SPTB: variants seen among roughly 807,000 people sequenced by gnomAD.
SPTB encodes the protein spectrin beta, erythrocytic.
Under a neutral mutation model 256.2 loss-of-function variants are expected in SPTB, and 45 were observed. The observed-to-expected ratio is 0.18, with a 90% CI of 0.14 to 0.23. The LOEUF (loss-of-function observed/expected upper bound fraction) is 0.23, where lower values mean the gene tolerates loss of function less well. Ranked by LOEUF, SPTB falls within the 10% of genes least tolerant of loss-of-function variation. The pLI is 1.00. For missense variants in SPTB, 2,715 were observed against 3,040.4 expected (o/e 0.89, Z 2.52); for synonymous variants, 1,231 against 1,243.1 (o/e 0.99, Z 0.21).
At position 64,749,213 on chromosome 14, in the gene SPTB, A is replaced by ATTCGACCGGCGGGC; in HGVS notation, c.*79_*92dup. The ATTCGACCGGCGGGC allele has an allele frequency of 6.8e-7, 1 of 1,467,152 alleles. No individual in the cohort carries two copies. The allele number at this position is 1,467,152 out of a possible 1,614,324, so 90.9% of individuals were successfully genotyped here. On this transcript the variant is annotated 3_prime_UTR_variant, in exon 36 of 36. Coordinates refer to ENST00000644917, the MANE Select transcript of SPTB (RefSeq NM_001355436.2). The surrounding 1 kb of genome is among the most constrained non-coding windows in gnomAD (Gnocchi z 4.7). ...CCGGCCCGCGACTCGACTCATCTCG[A>ATTCGACCGGCGGGC]TTCGACCGGCGGGCGGCGGCGAGAG... is the stretch of plus-strand genomic sequence containing the variant.
At chr14:64,832,204 G>A (rs1049637520) in intron 1 of SPTB, among the ~76,000 whole-genome samples, 5 of 152,108 alleles carry the variant, frequency 3.3e-5, no homozygotes, top group South Asian at 4.1e-4. Flanking sequence ...TCTGGCTTCC[G>A]CCCTCACTCC....
chr14:64,751,025 ATAT>A (rs1274740444), intron 33 of SPTB, among the ~76,000 whole-genome samples: 1 of 145,672 alleles, frequency 6.9e-6, no homozygotes, highest in Non-Finnish European at 1.5e-5. Context: ...ATTATGTTAT[ATAT>A]TATATATGTA....
At chr14:64,817,161 C>T (rs1446269220) in intron 2 of SPTB, among the ~76,000 whole-genome samples, 1 of 151,474 alleles carries the variant, frequency 6.6e-6, no homozygotes, top group Admixed American at 6.6e-5. Flanking sequence ...GGCATTATGT[C>T]CTGGGCAGGG....
chr14:64,782,070 G>A (rs371015976), intron 20 of SPTB, among the ~76,000 whole-genome samples: 1 of 152,132 alleles, frequency 6.6e-6, no homozygotes, highest in East Asian at 1.9e-4. Flanking sequence ...GATGGGGGAG[G>A]GTAGGAGAAG....
rs992985771 is a variant in SPTB at position 64,826,761 on chromosome 14, C to T, written c.-51-3616G>A. 1.3e-5 allele frequency among the ~76,000 whole-genome samples: 2 copies of T among 152,080 alleles called. No homozygotes were observed. Among genetic ancestry groups the T allele is most frequent in the African/African-American group, 4.8e-5 (2 of 41,388 alleles). On this transcript the variant is annotated intron_variant, in intron 1 of 35. Transcript: ENST00000644917. The surrounding 1 kb of genome is among the most constrained non-coding windows in gnomAD (Gnocchi z 4.4). Reference sequence around the variant, plus strand: ...CTGTGCCCAGAGAGGTCCACCTGCCCCATCCATCCATCCACCTGCCCGTCT... The same window carrying T: ...CTGTGCCCAGAGAGGTCCACCTGCCTCATCCATCCATCCACCTGCCCGTCT...
chr14:64,820,862 G>A (rs2083274327), intron 2 of SPTB, among the ~76,000 whole-genome samples: 1 of 151,916 alleles, frequency 6.6e-6, no homozygotes, highest in Admixed American at 6.6e-5. Context: ...GATTTTAGTA[G>A]AGATGGAGTT....
Position 64,859,584 on chromosome 14 carries a change from A to C in SPTB, c.-52+20208T>G, listed in dbSNP as rs531402724. On this transcript the variant is annotated intron_variant, in intron 1 of 35. Transcript: ENST00000644917. ...ACATAAGAAAACCCATCTCTACTAA[A>C]AATTCAAAAATTAGCCAGCTGTGGT... Among the ~76,000 whole-genome samples, 6 of 152,222 alleles carry C rather than the reference A, an allele frequency of 3.9e-5. No individual in the cohort carries two copies. In the East Asian group the frequency reaches 1.2e-3, roughly 29 times the overall value.
rs1882165755 is a variant in SPTB at position 64,866,089 on chromosome 14, T to C, written c.-52+13703A>G. Reference sequence around the variant, plus strand: ...AAAATACCACAAAGTAAAACATCTATGAAATGAATAAGACTGTTCACTCAA... The same window carrying C: ...AAAATACCACAAAGTAAAACATCTACGAAATGAATAAGACTGTTCACTCAA... On this transcript the variant is annotated intron_variant, in intron 1 of 35. Coordinates refer to ENST00000644917, the MANE Select transcript of SPTB (RefSeq NM_001355436.2). This position sits in a 1 kb window ranked among gnomAD's most constrained non-coding sequence, Gnocchi z 4.6. Among the ~76,000 whole-genome samples, 1 of 152,156 alleles carries C rather than the reference T, an allele frequency of 6.6e-6. No individual in the cohort carries two copies. Among genetic ancestry groups the C allele is most frequent in the Non-Finnish European group, 1.5e-5 (1 of 68,034 alleles).
Position 64,823,186 on chromosome 14 carries a change from C to A in SPTB, c.-51-41G>T. On this transcript the variant is annotated intron_variant, in intron 1 of 35. Coordinates refer to ENST00000644917, the MANE Select transcript of SPTB (RefSeq NM_001355436.2). This position sits in a 1 kb window ranked among gnomAD's most constrained non-coding sequence, Gnocchi z 6.5. ...ACAGTCAGAGGGTTATCTCTCTACC[C>A]CCTCGGACTTTTTCTCCGGGGAAAC... 1 of 1,517,316 alleles carries A rather than the reference C, an allele frequency of 6.6e-7. No individual in the cohort carries two copies. Among genetic ancestry groups the A allele is most frequent in the Middle Eastern group, 1.8e-4 (1 of 5,540 alleles). 94.0% of individuals were successfully genotyped at this position (1,517,316 alleles called of 1,614,324 possible). A position where few individuals can be genotyped will look rare whatever the true frequency, so the allele number is the denominator to read the frequency against.
In SPTB at chr14:64,841,740, C is replaced by CAT. The variant is rs5809251; in HGVS notation, c.-51-18597_-51-18596dup. ...ATCTCCCAGCTGCCCTCTGACATCC[C>CAT]ATATATATATATATATTTTTTAAGG... On this transcript the variant is annotated intron_variant, in intron 1 of 35. Coordinates refer to ENST00000644917, the MANE Select transcript of SPTB (RefSeq NM_001355436.2). This position sits in a 1 kb window ranked among gnomAD's most constrained non-coding sequence, Gnocchi z 4.6. Among the ~76,000 whole-genome samples the CAT allele has an allele frequency of 0.018, 1,934 of 109,100 alleles. 44 individuals are homozygous for CAT. The highest frequency in any genetic ancestry group is 0.085 in the African/African-American group (1,703 of 19,964). 71.6% of individuals were successfully genotyped at this position (109,100 alleles called of 152,430 possible).
chr14:64,829,709 A>G (rs1413059344), intron 1 of SPTB, among the ~76,000 whole-genome samples: 1 of 152,178 alleles, frequency 6.6e-6, no homozygotes, highest in East Asian at 1.9e-4. Flanking sequence ...GAAATTTTGT[A>G]TAATAAAAAC....
Position 64,793,213 on chromosome 14 carries a change from G to A in SPTB, c.2450C>T (p.Pro817Leu). The A allele has an allele frequency of 6.2e-7, 1 of 1,611,862 alleles. No individual in the cohort carries two copies. Among genetic ancestry groups the A allele is most frequent in the Non-Finnish European group, 8.5e-7 (1 of 1,180,026 alleles). ...GGCCTGCAGCCGATGGGTCACATCT[G>A]GGGAATCCCGAAACTCTTCGGGGAA... ...QGFPEEFRDS[P>L]DVTHRLQALR... The change falls in exon 14 of 36, where the codon CCA becomes CTA. Residue 817 changes from proline to leucine, a missense_variant. Physicochemically the swap from Pro to Leu is moderately conservative, Grantham distance 98. Around this residue, in one of 4 missense-constraint regions of SPTB, gnomAD observed 2,239 missense variants for 2,384.4 expected, o/e 0.94. Coordinates refer to ENST00000644917, the MANE Select transcript of SPTB (RefSeq NM_001355436.2). The surrounding 1 kb of genome is among the most constrained non-coding windows in gnomAD (Gnocchi z 7.0).
rs1170760858 is a variant in SPTB at position 64,748,998 on chromosome 14, G to T, written c.*308C>A. 3 of 304,302 alleles carry T rather than the reference G, an allele frequency of 9.9e-6. No individual in the cohort carries two copies. In the East Asian group the frequency reaches 2.6e-4, roughly 27 times the overall value. 18.9% of individuals were successfully genotyped at this position (304,302 alleles called of 1,614,324 possible). A position where few individuals can be genotyped will look rare whatever the true frequency, so the allele number is the denominator to read the frequency against. The stretch of plus-strand genomic sequence containing the variant: ...TGTGCCCCCTCGGCTCAGGAGGAGG[G>T]TGGGAGAGGAGGGCGTGTGCCTCAG... On this transcript the variant is annotated 3_prime_UTR_variant, in exon 36 of 36. Transcript: ENST00000644917.
In SPTB at chr14:64,794,711, T is replaced by C. The variant is rs541087608; in HGVS notation, c.1645-94A>G. The C allele has an allele frequency of 3.2e-5, 49 of 1,551,942 alleles. No homozygotes were observed. The African/African-American group carries it at 5.7e-4, about 18-fold the overall frequency. On this transcript the variant is annotated intron_variant, in intron 12 of 35. Coordinates refer to ENST00000644917, the MANE Select transcript of SPTB (RefSeq NM_001355436.2). ...CCTGCAAAGGGCATGTCTCTAGTAA[T>C]CTGAGCAAGGGTGAGCCAAATGCAG...
chr14:64,876,285 G>A (rs574647478), intron 1 of SPTB, among the ~76,000 whole-genome samples: 29 of 152,168 alleles, frequency 1.9e-4, no homozygotes, highest in African/African-American at 6.5e-4. Flanking sequence ...GGGATTACAG[G>A]TGCCCACCAC....
intron 27 of SPTB, 117 bp from the exon 28 acceptor site, chr14:64,769,845 C>T (rs551417480): frequency 1.1e-4 from 160 of 1,421,186 alleles, no homozygotes; most frequent in Non-Finnish European, 1.5e-4. Context: ...GTGCTCCCTC[C>T]TCTCTCTCTG....
In SPTB at chr14:64,787,053, G is replaced by A. The variant is rs138556050; in HGVS notation, c.2912C>T (p.Thr971Met). Residue 971 changes from threonine (T) to methionine (M), a missense_variant, in exon 16 of 36, where the codon ACG becomes ATG. This residue lies in a region of SPTB where 2,239 missense variants were observed against 2,384.4 expected (regional missense o/e 0.94). Coordinates refer to ENST00000644917, the MANE Select transcript of SPTB (RefSeq NM_001355436.2). Reference sequence around the variant, plus strand: ...GGACTCCACTACCTTTGTCTTGTCCGTGATCCACTTGCTGGTCTCCTCGCA... The same window carrying A: ...GGACTCCACTACCTTTGTCTTGTCCATGATCCACTTGCTGGTCTCCTCGCA... Reference protein sequence around the residue: ...VDCEETSKWITDKTKVVESTK... With the variant: ...VDCEETSKWIMDKTKVVESTK... 21 of 1,613,756 alleles carry A rather than the reference G, an allele frequency of 1.3e-5. No homozygotes were observed. The highest frequency in any genetic ancestry group is 2.7e-5 in the African/African-American group (2 of 74,894).
intron 1 of SPTB, among the ~76,000 whole-genome samples, chr14:64,860,518 T>TA (rs2083950379): frequency 6.6e-6 from 1 of 151,926 alleles, no homozygotes; most frequent in South Asian, 2.1e-4. Context: ...TTTTTTTTTT[T>TA]ATAACTATGC....
At position 64,770,882 on chromosome 14, in the gene SPTB, C is replaced by A; in HGVS notation, c.5798+3G>T. ...GCCTCTGCCTCAAGGACACTCCCCT[C>A]ACCTGGGCCTCTCCTGGGTCTCGAT... On this transcript the variant is annotated splice_donor_region_variant and intron_variant, in intron 27 of 35. Coordinates refer to ENST00000644917, the MANE Select transcript of SPTB (RefSeq NM_001355436.2). 6.2e-7 allele frequency: 1 copy of A among 1,614,064 alleles called. No individual in the cohort carries two copies. Among genetic ancestry groups the A allele is most frequent in the Non-Finnish European group, 8.5e-7 (1 of 1,180,024 alleles).
Sources: gnomAD v4.1 joint callset for allele counts (sites outside exome capture counted in the v4.1 genomes callset) on GRCh38, gnomAD v4.1.1 for gene constraint, gnomAD v4.1.1 regional missense constraint, Gnocchi (gnomAD v3.1) non-coding constraint, MANE v1.5 for transcripts, NCBI Gene and HGNC (gene_info 2026-07-23, HGNC 2026-07-21) for gene names.